The following LRP2 variants were observed in gnomAD, a reference collection of about 807,000 sequenced individuals.
LRP2 encodes the protein low-density lipoprotein receptor-related protein 2.
Under a neutral mutation model 531.0 loss-of-function variants are expected in LRP2, and 172 were observed. The ratio of observed to expected loss-of-function variants is 0.32; its 90% CI spans 0.29 to 0.37. The LOEUF is 0.37. Among genes scored for constraint, LRP2 ranks in the 10% least tolerant of loss-of-function variants. The pLI is 1.00. For missense variants in LRP2, 5,167 were observed against 5,868.3 expected (o/e 0.88, Z 3.90); for synonymous variants, 1,992 against 2,027.6 (o/e 0.98, Z 0.47).
At position 169,142,784 on chromosome 2, in the gene LRP2, A is replaced by C; in HGVS notation, c.12998T>G (p.Leu4333Arg). ...GAGGTGGCTGCAGATCTGTTTGCAA[A>C]GGTTGGGCACTGGAAAGCGGGTGAG... ...QLRYNKSVPN[L>R]CKQICSHLCL... The change falls in exon 71 of 79, where the codon CTT becomes CGT. Residue 4333 changes from leucine to arginine, a missense_variant. Around this residue, in one of 6 missense-constraint regions of LRP2, gnomAD observed 564 missense variants for 747.7 expected, o/e 0.75. Transcript: ENST00000649046. 1.2e-6 allele frequency: 2 copies of C among 1,613,998 alleles called. No homozygotes were observed. Among genetic ancestry groups the C allele is most frequent in the African/African-American group, 2.7e-5 (2 of 75,060 alleles).
intron 38 of LRP2, 48 bp downstream of exon 38, chr2:169,209,405 A>C (rs1480957956): frequency 1.3e-6 from 2 of 1,576,266 alleles, no homozygotes; most frequent in African/African-American, 2.7e-5. Context: ...GCATAAAATA[A>C]GATGACAGAG....
At chr2:169,261,568 CAG>C (rs540056295) in intron 16 of LRP2, among the ~76,000 whole-genome samples, 123 of 149,768 alleles carry the variant, frequency 8.2e-4, no homozygotes, top group African/African-American at 3.0e-3. Flanking sequence ...ACAAAGCATA[CAG>C]AGTTTAACCA....
rs1022866349 is a variant in LRP2, at chr2:169,310,848, G to A, written c.311-3451C>T. 1.2e-4 allele frequency among the ~76,000 whole-genome samples: 19 copies of A among 152,152 alleles called. 1 individual carries two copies. Among genetic ancestry groups the A allele is most frequent in the Non-Finnish European group, 2.6e-4 (18 of 68,022 alleles). On this transcript the variant is annotated intron_variant, in intron 3 of 78. Transcript: ENST00000649046. ...TCTGGTCCTGGACTTCTTTTGGTTG[G>A]TAGCCTCTTAATTATTGCCTCAATT... is the stretch of plus-strand genomic sequence containing the variant.
At chr2:169,248,554 A>G (rs994676386) in intron 19 of LRP2, among the ~76,000 whole-genome samples, 3 of 152,262 alleles carry the variant, frequency 2.0e-5, no homozygotes, top group African/African-American at 7.2e-5. Context: ...GTAAAAAGGT[A>G]CACAATTTCT....
Position 169,241,212 on chromosome 2 carries a change from G to A in LRP2, c.3821C>T (p.Ser1274Leu). The A allele has an allele frequency of 6.2e-7, 1 of 1,614,178 alleles. No individual in the cohort carries two copies. Among genetic ancestry groups the A allele is most frequent in the East Asian group, 2.2e-5 (1 of 44,890 alleles). ...GTTTCCGTTGTCACAGTGGAAATAT[G>A]ATGAAGGGCAAGTCTTGGGGACACA... ...NACVPKTCPS[S>L]YFHCDNGNCI... The change falls in exon 25 of 79, where the codon TCA becomes TTA. Residue 1274 changes from serine (S) to leucine (L), a missense_variant. Ser to Leu is a moderately radical substitution (Grantham distance 145). Transcript: ENST00000649046.
Position 169,279,481 on chromosome 2 carries a change from T to A in LRP2, c.1456A>T (p.Thr486Ser). Residue 486 changes from threonine to serine, a missense_variant, in exon 12 of 79, where the codon ACC (threonine) becomes TCC (serine). By Grantham distance (58) the Thr-to-Ser change is moderately conservative (BLOSUM62 1). Around this residue, in one of 6 missense-constraint regions of LRP2, gnomAD observed 2,811 missense variants for 3,058.0 expected, o/e 0.92. Transcript: ENST00000649046. ...ACCATATCTATGCGGTTGACCTTGGTTTCCACTAGATAGATTTTATTATTA... is the reference window on the plus strand; with the variant it reads ...ACCATATCTATGCGGTTGACCTTGGATTCCACTAGATAGATTTTATTATTA... ...WVNNKIYLVETKVNRIDMVNL... is the reference protein window; with the variant it reads ...WVNNKIYLVESKVNRIDMVNL... 6.2e-7 allele frequency: 1 copy of A among 1,613,934 alleles called. No homozygotes were observed. The highest frequency in any genetic ancestry group is 1.1e-5 in the South Asian group (1 of 91,070).
intron 32 of LRP2, 55 bp from the exon 33 acceptor site, chr2:169,225,508 A>T (rs1689169661): frequency 1.2e-6 from 2 of 1,603,202 alleles, no homozygotes; most frequent in Admixed American, 3.3e-5. Context: ...CTCCTACAAA[A>T]GAACCCTTTC....
intron 1 of LRP2, among the ~76,000 whole-genome samples, chr2:169,338,368 GAAA>G (rs1409457822): frequency 8.0e-5 from 8 of 99,386 alleles, no homozygotes; most frequent in African/African-American, 8.8e-5. Context: ...AGGAAAGAAA[GAAA>G]GAAAGAAAGA....
intron 19 of LRP2, among the ~76,000 whole-genome samples, chr2:169,247,987 C>T (rs1032534379): frequency 2.6e-5 from 4 of 152,184 alleles, no homozygotes; most frequent in South Asian, 2.1e-4. Flanking sequence ...TTAATGACAG[C>T]GCTTAAATTG....
chr2:169,306,273 C>T (rs1684415560), intron 4 of LRP2, among the ~76,000 whole-genome samples: 1 of 152,130 alleles, frequency 6.6e-6, no homozygotes, highest in Non-Finnish European at 1.5e-5. Context: ...GTGGCTCATG[C>T]CTGTAATCCC....
intron 33 of LRP2, among the ~76,000 whole-genome samples, chr2:169,223,811 T>C (rs1559026142): frequency 6.6e-6 from 1 of 152,210 alleles, no homozygotes; most frequent in South Asian, 2.1e-4. Flanking sequence ...CTTGAGATAC[T>C]TGTGCACACT....
chr2:169,209,794 AG>A (rs1688530140), intron 37 of LRP2, among the ~76,000 whole-genome samples, 153 bp from the exon 38 acceptor site: 1 of 152,180 alleles, frequency 6.6e-6, no homozygotes, highest in African/African-American at 2.4e-5. Context: ...TGCAGTGAGC[AG>A]ACCCACATCT....
intron 75 of LRP2, among the ~76,000 whole-genome samples, chr2:169,138,252 A>G (rs185897551): frequency 1.5e-4 from 23 of 152,290 alleles, no homozygotes; most frequent in Admixed American, 8.5e-4. Context: ...AAAGTCATCA[A>G]ATAAAAACAA....
chr2:169,312,407 A>G (rs1235561349), intron 3 of LRP2, among the ~76,000 whole-genome samples: 1 of 152,146 alleles, frequency 6.6e-6, no homozygotes, highest in Non-Finnish European at 1.5e-5. Flanking sequence ...GGTGGTGACA[A>G]AATCTCTCAG....
chr2:169,241,380 T>C lies in LRP2; in HGVS notation c.3668-15A>G, dbSNP rs1373564545. 2 of 1,613,868 alleles carry C rather than the reference T, an allele frequency of 1.2e-6. No individual in the cohort carries two copies. Among genetic ancestry groups the C allele is most frequent in the African/African-American group, 1.3e-5 (1 of 75,024 alleles). On this transcript the variant is annotated splice_polypyrimidine_tract_variant and intron_variant, in intron 24 of 78. Coordinates refer to ENST00000649046, the MANE Select transcript of LRP2 (RefSeq NM_004525.3). ...AGGCCTGGTTGCTAGAAGGAAAACA[T>C]GGGGTAAATCGGCTTGTGAATGTAA...
rs1200135790 is a variant in LRP2, at chr2:169,282,881, T to C, written c.1163A>G (p.Asn388Ser). The C allele has an allele frequency of 2.5e-6, 4 of 1,613,984 alleles. No individual in the cohort carries two copies. The highest frequency in any genetic ancestry group is 2.5e-6 in the Non-Finnish European group (3 of 1,179,874). ...GTCCATAATTTACTCACAGGAATCATTAGCTTTGCAATACTGTCCACGCTC... is the reference window on the plus strand; with the variant it reads ...GTCCATAATTTACTCACAGGAATCACTAGCTTTGCAATACTGTCCACGCTC... ...ILERGQYCKA[N>S]DSFGEASIIF... Residue 388 changes from asparagine (N) to serine (S), a missense_variant, in exon 10 of 79, where the codon AAT (asparagine) becomes AGT (serine). Physicochemically the swap from Asn to Ser is conservative, Grantham distance 46. This residue lies in a region of LRP2 where 2,811 missense variants were observed against 3,058.0 expected (regional missense o/e 0.92). Transcript: ENST00000649046.
At chr2:169,292,897 A>G (rs1018925245) in intron 6 of LRP2, among the ~76,000 whole-genome samples, 6 of 152,126 alleles carry the variant, frequency 3.9e-5, no homozygotes, top group Admixed American at 2.6e-4. Flanking sequence ...GGCACAGAAC[A>G]GAAAATGCAG....
At chr2:169,342,799 TAAA>T (rs1382125498) in intron 1 of LRP2, among the ~76,000 whole-genome samples, 1 of 152,212 alleles carries the variant, frequency 6.6e-6, no homozygotes, top group Non-Finnish European at 1.5e-5. Flanking sequence ...AAGCTTGCAA[TAAA>T]CGTGTGTGAA....
chr2:169,145,503 C>T (rs1015585895), intron 70 of LRP2, among the ~76,000 whole-genome samples: 29 of 152,192 alleles, frequency 1.9e-4, no homozygotes, highest in Non-Finnish European at 3.7e-4. Context: ...ATGATGAGGG[C>T]TAATATTTTT....
Sources: gnomAD v4.1 joint callset for allele counts (sites outside exome capture counted in the v4.1 genomes callset) on GRCh38, gnomAD v4.1.1 for gene constraint, gnomAD v4.1.1 regional missense constraint, MANE v1.5 for transcripts, NCBI Gene and HGNC (gene_info 2026-07-23, HGNC 2026-07-21) for gene names.